RSRC1: variants seen among roughly 807,000 people sequenced by gnomAD.
The protein encoded by RSRC1 is serine/Arginine-related protein 53.
In RSRC1, 39 loss-of-function variants were observed where a neutral mutation model predicts 49.1. The ratio of observed to expected loss-of-function variants is 0.79; its 90% CI spans 0.61 to 1.04. The LOEUF (loss-of-function observed/expected upper bound fraction) is 1.04. Among genes scored for constraint, RSRC1 ranks in the 50% least tolerant of loss-of-function variants. The pLI, the probability that RSRC1 is intolerant of heterozygous loss-of-function variation, is 0.00. For synonymous variants in RSRC1, 143 were observed against 130.8 expected, an observed-to-expected ratio of 1.09 and a Z score of -0.63; for missense variants, 388 against 402.4, an observed-to-expected ratio of 0.96 and a Z score of 0.31.
intron 6 of RSRC1, among the ~76,000 whole-genome samples, chr3:158,417,608 T>TCTC (rs1171717963): frequency 6.6e-6 from 1 of 151,924 alleles, no homozygotes; most frequent in African/African-American, 2.4e-5. Context: ...AATGATTGGG[T>TCTC]AGAGGAACTT....
intron 4 of RSRC1, chr3:158,225,528 AGTTT>A (rs1722481583): frequency 6.5e-6 from 2 of 308,546 alleles, no homozygotes; most frequent in Non-Finnish European, 1.3e-5. Flanking sequence ...AGAGCCAGAG[AGTTT>A]GTTTGTCTTG....
chr3:158,280,587 C>T (rs1726084750), intron 4 of RSRC1, among the ~76,000 whole-genome samples: 1 of 143,540 alleles, frequency 7.0e-6, no homozygotes, highest in Non-Finnish European at 1.5e-5. Flanking sequence ...ATCATGATGG[C>T]TATGGTGAAA....
Position 158,250,667 on chromosome 3 carries a change from A to G in RSRC1, c.495-47372A>G, listed in dbSNP as rs566471109. ...TGCCCACTTTTTAAATCAGATCATA[A>G]TATTTTTTTCATATTGAGGTTATTG... On this transcript the variant is annotated intron_variant, in intron 4 of 9. Coordinates refer to ENST00000611884, the MANE Select transcript of RSRC1 (RefSeq NM_001271838.2). 3.9e-5 allele frequency among the ~76,000 whole-genome samples: 6 copies of G among 152,248 alleles called. No individual in the cohort carries two copies. In the South Asian group the frequency reaches 1.2e-3, roughly 32 times the overall value.
At chr3:158,496,392 A>G (rs527266241) in intron 7 of RSRC1, among the ~76,000 whole-genome samples, 1 of 152,178 alleles carries the variant, frequency 6.6e-6, no homozygotes, top group Non-Finnish European at 1.5e-5. Flanking sequence ...TGCAGTGCTA[A>G]GAAGTACACC....
intron 6 of RSRC1, among the ~76,000 whole-genome samples, chr3:158,439,925 T>C (rs1736288077): frequency 6.6e-6 from 1 of 151,880 alleles, no homozygotes. Context: ...GACTCAAAAA[T>C]TGTAGTATTT....
chr3:158,352,528 A>T (rs1730934165), intron 5 of RSRC1, among the ~76,000 whole-genome samples: 2 of 152,178 alleles, frequency 1.3e-5, no homozygotes, highest in Admixed American at 1.3e-4. Flanking sequence ...GTCATGAAAT[A>T]TCTTAACCAG....
chr3:158,121,250 C>A (rs1715239900), intron 1 of RSRC1, among the ~76,000 whole-genome samples: 1 of 151,900 alleles, frequency 6.6e-6, no homozygotes, highest in African/African-American at 2.4e-5. Flanking sequence ...AAAGCATCAA[C>A]ATTTTTAGAT....
chr3:158,425,470 T>C (rs1735366723), intron 6 of RSRC1, among the ~76,000 whole-genome samples: 1 of 152,120 alleles, frequency 6.6e-6, no homozygotes, highest in Non-Finnish European at 1.5e-5. Flanking sequence ...TCTGTTCTTT[T>C]ACATTTGCTG....
intron 5 of RSRC1, among the ~76,000 whole-genome samples, chr3:158,311,464 T>G (rs1417924680): frequency 6.6e-6 from 1 of 152,002 alleles, no homozygotes. Flanking sequence ...TTTATTTCCT[T>G]TCATCTATTT....
chr3:158,453,396 TTC>T (rs1318081024), intron 6 of RSRC1, among the ~76,000 whole-genome samples: 1 of 151,606 alleles, frequency 6.6e-6, no homozygotes, highest in African/African-American at 2.4e-5. Flanking sequence ...TTTTTTTTTT[TTC>T]GAGTCGGAGT....
At chr3:158,238,764 C>T (rs1215562593) in intron 4 of RSRC1, among the ~76,000 whole-genome samples, 2 of 151,972 alleles carry the variant, frequency 1.3e-5, no homozygotes, top group African/African-American at 4.8e-5. Flanking sequence ...TATGAAAACC[C>T]TAGAAAAAAA....
chr3:158,197,286 C>G (rs923941833), intron 3 of RSRC1, among the ~76,000 whole-genome samples: 2 of 152,152 alleles, frequency 1.3e-5, no homozygotes, highest in African/African-American at 4.8e-5. Context: ...AGTTTATTTG[C>G]ATAGAGGTGT....
chr3:158,302,331 G>A (rs1727599843), intron 5 of RSRC1, among the ~76,000 whole-genome samples: 1 of 152,092 alleles, frequency 6.6e-6, no homozygotes, highest in Non-Finnish European at 1.5e-5. Flanking sequence ...TTGTGTTATA[G>A]CTCAGTGCCT....
intron 7 of RSRC1, among the ~76,000 whole-genome samples, chr3:158,495,054 A>G (rs1156995988): frequency 1.3e-5 from 2 of 152,210 alleles, no homozygotes; most frequent in Non-Finnish European, 1.5e-5. Flanking sequence ...TTCCACCAGC[A>G]TCACCACAGA....
intron 4 of RSRC1, among the ~76,000 whole-genome samples, chr3:158,252,718 C>T (rs1478743261): frequency 6.6e-6 from 1 of 152,056 alleles, no homozygotes; most frequent in Admixed American, 6.5e-5. Context: ...GAGTCATGGG[C>T]TTTTCTTTAC....
intron 7 of RSRC1, among the ~76,000 whole-genome samples, chr3:158,498,528 A>G (rs536796829): frequency 4.0e-5 from 6 of 150,836 alleles, no homozygotes; most frequent in African/African-American, 1.5e-4. Flanking sequence ...TTGTCTGTTT[A>G]CTCTTCTGAC....
rs552342036 is a variant in RSRC1 at position 158,452,809 on chromosome 3, G to A, written c.584-8126G>A. Among the ~76,000 whole-genome samples, 6 of 152,228 alleles carry A rather than the reference G, an allele frequency of 3.9e-5. No homozygotes were observed. In the South Asian group the frequency reaches 1.2e-3, roughly 32 times the overall value. ...TTAACTTTGTAGATGGAATATTGGAGTTCATGTGTATTTTTAAATACAGGT... is the reference window on the plus strand; with the variant it reads ...TTAACTTTGTAGATGGAATATTGGAATTCATGTGTATTTTTAAATACAGGT... On this transcript the variant is annotated intron_variant, in intron 6 of 9. Coordinates refer to ENST00000611884, the MANE Select transcript of RSRC1 (RefSeq NM_001271838.2).
At chr3:158,348,177 A>G (rs1440231238) in intron 5 of RSRC1, among the ~76,000 whole-genome samples, 2 of 152,182 alleles carry the variant, frequency 1.3e-5, no homozygotes, top group African/African-American at 2.4e-5. Flanking sequence ...AACAACCTCA[A>G]AAGTGTTGTT....
intron 3 of RSRC1, among the ~76,000 whole-genome samples, chr3:158,157,678 G>C (rs1018162120): frequency 2.0e-5 from 3 of 152,186 alleles, no homozygotes; most frequent in African/African-American, 7.2e-5. Context: ...CACTTTGGGA[G>C]GCCAAGGCAG....
Sources: allele counts gnomAD v4.1 joint callset (sites outside exome capture counted in the v4.1 genomes callset), GRCh38; gene constraint gnomAD v4.1.1; transcripts MANE v1.5; gene names NCBI Gene and HGNC (gene_info 2026-07-23, HGNC 2026-07-21).